Variants in RALYL observed in about 807,000 individuals in gnomAD.
RALYL encodes RNA-binding Raly-like protein.
A neutral mutation model predicts 35.1 loss-of-function variants in RALYL; 29 were observed. The ratio of observed to expected loss-of-function variants is 0.83; its 90% CI spans 0.61 to 1.13. RALYL has a LOEUF of 1.13. Among genes scored for constraint, RALYL ranks in the 50% most tolerant of loss-of-function variants. The probability of loss-of-function intolerance (pLI) is 0.00; values close to 1 mark genes in which losing one functional copy is unlikely to be tolerated. For missense variants in RALYL, 359 were observed against 360.4 expected, an observed-to-expected ratio of 1.00 and a Z score of 0.03; for synonymous variants, 120 against 127.6, an observed-to-expected ratio of 0.94 and a Z score of 0.40.
chr8:84,430,602 T>C (rs2132670789), intron 1 of RALYL, among the ~76,000 whole-genome samples: 1 of 152,154 alleles, frequency 6.6e-6, no homozygotes, highest in Non-Finnish European at 1.5e-5. Flanking sequence ...GTGTAAAACA[T>C]TTGGCTCTGG....
At chr8:84,692,249 A>G (rs552207155) in intron 2 of RALYL, among the ~76,000 whole-genome samples, 2 of 151,998 alleles carry the variant, frequency 1.3e-5, no homozygotes, top group Non-Finnish European at 2.9e-5. Flanking sequence ...GACAGAAATA[A>G]AAAACATCCC....
At chr8:84,233,054 T>C (rs1159567966) in intron 1 of RALYL, among the ~76,000 whole-genome samples, 2 of 152,182 alleles carry the variant, frequency 1.3e-5, no homozygotes, top group East Asian at 3.9e-4. Flanking sequence ...AAAATCATAG[T>C]TCACTGTAAC....
At chr8:84,519,098 A>G (rs1262783644) in intron 1 of RALYL, among the ~76,000 whole-genome samples, 1 of 152,200 alleles carries the variant, frequency 6.6e-6, no homozygotes, top group Non-Finnish European at 1.5e-5. Flanking sequence ...TTATAAATGA[A>G]TATAATGATG....
chr8:84,323,309 G>T (rs1380939574), intron 1 of RALYL, among the ~76,000 whole-genome samples: 1 of 152,020 alleles, frequency 6.6e-6, no homozygotes, highest in Non-Finnish European at 1.5e-5. Context: ...AATGAAGTAT[G>T]CTGTACATAG....
At chr8:84,335,286 A>G (rs962913059) in intron 1 of RALYL, among the ~76,000 whole-genome samples, 12 of 152,080 alleles carry the variant, frequency 7.9e-5, no homozygotes, top group Admixed American at 6.6e-4. Context: ...GTGCATATCC[A>G]TCTTCTCTCT....
At chr8:84,283,133 G>A (rs1173268547) in intron 1 of RALYL, among the ~76,000 whole-genome samples, 1 of 152,130 alleles carries the variant, frequency 6.6e-6, no homozygotes, top group Admixed American at 6.6e-5. Flanking sequence ...ATAATGATAT[G>A]TGAAACTTAA....
Position 84,708,158 on chromosome 8 carries a change from A to T in RALYL, c.257-66421A>T, listed in dbSNP as rs551499886. 5.3e-5 allele frequency among the ~76,000 whole-genome samples: 8 copies of T among 152,236 alleles called. No individual in the cohort carries two copies. The South Asian group carries it at 1.7e-3, about 32-fold the overall frequency. ...AAAAATAAGTGTTTCCTTTCAGAGGATCTGACAAAAGGAATAGTAAAGGTG... is the reference window on the plus strand; with the variant it reads ...AAAAATAAGTGTTTCCTTTCAGAGGTTCTGACAAAAGGAATAGTAAAGGTG... On this transcript the variant is annotated intron_variant, in intron 2 of 8. Coordinates refer to ENST00000521268, the MANE Select transcript of RALYL (RefSeq NM_173848.7).
At chr8:84,458,311 A>C (rs2050367876) in intron 1 of RALYL, among the ~76,000 whole-genome samples, 1 of 151,544 alleles carries the variant, frequency 6.6e-6, no homozygotes, top group South Asian at 2.1e-4. Context: ...TATTGTAAAA[A>C]TGTCCATTTA....
chr8:84,808,048 T>A (rs919584392), intron 4 of RALYL, among the ~76,000 whole-genome samples: 4 of 152,198 alleles, frequency 2.6e-5, no homozygotes, highest in African/African-American at 9.6e-5. Flanking sequence ...TTTTATTGAA[T>A]TTGCTTGCGG....
intron 1 of RALYL, among the ~76,000 whole-genome samples, chr8:84,476,140 A>T (rs2053389862): frequency 6.6e-6 from 1 of 152,206 alleles, no homozygotes; most frequent in Non-Finnish European, 1.5e-5. Flanking sequence ...ATTGCCAGTA[A>T]AGAAATAAGG....
At chr8:84,525,946 C>CTTTTTTCTTTTTT (rs1358184149) in intron 1 of RALYL, among the ~76,000 whole-genome samples, 1 of 122,804 alleles carries the variant, frequency 8.1e-6, no homozygotes, top group African/African-American at 3.1e-5. Flanking sequence ...TTTCTCTTTT[C>CTTTTTTCTTTTTT]TTTTTTCTTT....
chr8:84,892,736 T>G (rs1435051691), intron 8 of RALYL, among the ~76,000 whole-genome samples: 5 of 151,022 alleles, frequency 3.3e-5, no homozygotes, highest in African/African-American at 9.7e-5. Flanking sequence ...GATTTCCTCA[T>G]GCACAAAAAC....
intron 4 of RALYL, among the ~76,000 whole-genome samples, chr8:84,816,471 T>A (rs1827311922): frequency 6.6e-6 from 1 of 152,200 alleles, no homozygotes; most frequent in Admixed American, 6.5e-5. Context: ...TAGCTTTATA[T>A]GAGGATGCTT....
chr8:84,794,808 T>G (rs778935966), intron 3 of RALYL, among the ~76,000 whole-genome samples: 13 of 152,200 alleles, frequency 8.5e-5, no homozygotes, highest in Non-Finnish European at 1.3e-4. Context: ...TCTTTATCCT[T>G]CACCTCCATT....
At chr8:84,741,839 A>G (rs940503290) in intron 2 of RALYL, among the ~76,000 whole-genome samples, 1 of 152,044 alleles carries the variant, frequency 6.6e-6, no homozygotes, top group Non-Finnish European at 1.5e-5. Flanking sequence ...AAGTTTTACA[A>G]TATTCCATAC....
chr8:84,327,697 C>T (rs1350773890), intron 1 of RALYL, among the ~76,000 whole-genome samples: 2 of 151,542 alleles, frequency 1.3e-5, no homozygotes, highest in South Asian at 2.1e-4. Flanking sequence ...AAAAAAATTG[C>T]CATTCCCCTC....
chr8:84,588,948 A>G (rs1254244299), intron 2 of RALYL, among the ~76,000 whole-genome samples: 3 of 151,592 alleles, frequency 2.0e-5, no homozygotes, highest in African/African-American at 7.3e-5. Context: ...GCCCAGGTGG[A>G]GTGCAATGGC....
intron 2 of RALYL, among the ~76,000 whole-genome samples, chr8:84,663,268 A>G (rs1312341614): frequency 6.6e-6 from 1 of 152,098 alleles, no homozygotes; most frequent in African/African-American, 2.4e-5. Flanking sequence ...TGACTTTACT[A>G]TTGTGAAAAG....
At chr8:84,496,125 A>G (rs1056126061) in intron 1 of RALYL, among the ~76,000 whole-genome samples, 1 of 152,110 alleles carries the variant, frequency 6.6e-6, no homozygotes, top group African/African-American at 2.4e-5. Flanking sequence ...ATGGTATCCT[A>G]GAGGTTTTTA....
Sources: allele counts gnomAD v4.1 joint callset (sites outside exome capture counted in the v4.1 genomes callset), GRCh38; gene constraint gnomAD v4.1.1; transcripts MANE v1.5; gene names NCBI Gene and HGNC (gene_info 2026-07-23, HGNC 2026-07-21).